TENM2: variants seen among roughly 807,000 people sequenced by gnomAD.
TENM2 encodes the protein teneurin-2.
In TENM2, 52 loss-of-function variants were observed where a neutral mutation model predicts 245.2. The ratio of observed to expected loss-of-function variants is 0.21; its 90% CI spans 0.17 to 0.27. TENM2 has a LOEUF of 0.27. TENM2 is among the 10% of genes least tolerant of loss of function. The probability of loss-of-function intolerance (pLI) is 1.00; values close to 1 mark genes in which losing one functional copy is unlikely to be tolerated. For synonymous variants in TENM2, 1,363 were observed against 1,438.9 expected, an observed-to-expected ratio of 0.95 and a Z score of 1.19; for missense variants, 3,046 against 3,666.8, an observed-to-expected ratio of 0.83 and a Z score of 4.37.
intron 2 of TENM2, among the ~76,000 whole-genome samples, chr5:167,837,048 GTATA>G (rs1463193805): frequency 1.4e-5 from 2 of 142,084 alleles, no homozygotes; most frequent in African/African-American, 5.2e-5. Context: ...TCCATTTATA[GTATA>G]TATGTATGCC....
At chr5:167,605,155 C>T (rs1306857004) in intron 2 of TENM2, among the ~76,000 whole-genome samples, 1 of 152,104 alleles carries the variant, frequency 6.6e-6, no homozygotes, top group Non-Finnish European at 1.5e-5. Context: ...CCACTTTCCC[C>T]ATGACTGCAG....
chr5:167,863,273 C>A (rs560340969), intron 2 of TENM2, among the ~76,000 whole-genome samples: 1 of 152,256 alleles, frequency 6.6e-6, no homozygotes, highest in South Asian at 2.1e-4. Flanking sequence ...TCTTCCATGG[C>A]AATATGGGCC....
exon 17 of TENM2, chr5:168,199,934 G>A: frequency 1.9e-6 from 3 of 1,613,800 alleles, no homozygotes; most frequent in South Asian, 1.1e-5. Flanking sequence ...AGAACTGCAG[G>A]GTACAAGTCA....
chr5:167,609,944 G>C (rs932522613), intron 2 of TENM2, among the ~76,000 whole-genome samples: 1 of 152,010 alleles, frequency 6.6e-6, no homozygotes. Flanking sequence ...CAGGTTAAGG[G>C]CTCAGTCCCA....
chr5:167,457,282 TTTTTATTTTATTTTATTTTA>T (rs71591185), intron 2 of TENM2, among the ~76,000 whole-genome samples: 7,298 of 129,944 alleles, frequency 0.056, 376 homozygotes, highest in African/African-American at 0.13. Flanking sequence ...ACTGACCTGC[TTTTTATTTTATTTTATTTTA>T]TTTTATTTTA....
intron 3 of TENM2, among the ~76,000 whole-genome samples, chr5:167,891,264 T>G (rs1774734309): frequency 6.6e-6 from 1 of 152,164 alleles, no homozygotes; most frequent in Non-Finnish European, 1.5e-5. Flanking sequence ...CTTTGCACAA[T>G]TACTCTCTTT....
intron 2 of TENM2, among the ~76,000 whole-genome samples, chr5:167,858,219 GAGCTAAGAGCCACAAC>G (rs1171088019): frequency 2.0e-5 from 3 of 152,232 alleles, no homozygotes; most frequent in Non-Finnish European, 4.4e-5. Context: ...AAGAAAATGT[GAGCTAAGAGCCACAAC>G]AGCCTTTGTT....
intron 2 of TENM2, among the ~76,000 whole-genome samples, chr5:167,528,607 T>C (rs1443775783): frequency 1.3e-5 from 2 of 152,164 alleles, no homozygotes; most frequent in African/African-American, 4.8e-5. Context: ...TTTTTGTCGG[T>C]CTAGCTATAT....
At chr5:167,117,642 A>G in the TENM2 span, among the ~76,000 whole-genome samples, 1 of 152,226 alleles carries the variant, frequency 6.6e-6, no homozygotes. Context: ...TCTTAGGATC[A>G]CAAAGATGAT....
chr5:168,169,524 C>T (rs1306026038), intron 13 of TENM2, among the ~76,000 whole-genome samples: 1 of 152,210 alleles, frequency 6.6e-6, no homozygotes, highest in Non-Finnish European at 1.5e-5. Context: ...ACTCACCCCT[C>T]GCCCACTGCC....
At chr5:167,471,180 C>T (rs1432117661) in intron 2 of TENM2, among the ~76,000 whole-genome samples, 1 of 152,194 alleles carries the variant, frequency 6.6e-6, no homozygotes. Flanking sequence ...CATGCCCTTG[C>T]TTCCCATCTC....
chr5:168,231,777 A>ACC (rs1562313009), intron 25 of TENM2, among the ~76,000 whole-genome samples: 24 of 151,264 alleles, frequency 1.6e-4, no homozygotes, highest in African/African-American at 5.6e-4. Context: ...CAACAACAAC[A>ACC]ACCAAAAAAA....
At chr5:168,141,339 G>C (rs1022996509) in intron 12 of TENM2, among the ~76,000 whole-genome samples, 3 of 152,160 alleles carry the variant, frequency 2.0e-5, no homozygotes, top group African/African-American at 2.4e-5. Context: ...CTGCATGCAG[G>C]CATGCCATAA....
chr5:167,724,105 T>C (rs891460360), intron 2 of TENM2, among the ~76,000 whole-genome samples: 14 of 152,338 alleles, frequency 9.2e-5, no homozygotes, highest in African/African-American at 2.6e-4. Context: ...TTTCTTTTGC[T>C]TTTGCCCATT....
rs145507834 is a variant in TENM2, at chr5:167,368,925, C to T, written c.227-6273C>T. ...ATATTTAACATTTAGCCTTCTCTGC[C>T]CCCAGCAAGGAGAGAGGGAGGGCTG... On this transcript the variant is annotated intron_variant, in intron 1 of 28. Transcript: ENST00000518659. 5.6e-3 allele frequency among the ~76,000 whole-genome samples: 859 copies of T among 152,178 alleles called. 10 individuals are homozygous for T. Among genetic ancestry groups the T allele is most frequent in the African/African-American group, 0.02 (814 of 41,496 alleles).
chr5:168,024,444 G>A (rs1238555827), intron 5 of TENM2, among the ~76,000 whole-genome samples: 1 of 152,174 alleles, frequency 6.6e-6, no homozygotes, highest in Non-Finnish European at 1.5e-5. Context: ...CCTTTGCTCA[G>A]CCTTTTAACT....
At chr5:168,143,557 C>T (rs1755750186) in intron 12 of TENM2, among the ~76,000 whole-genome samples, 1 of 152,078 alleles carries the variant, frequency 6.6e-6, no homozygotes. Flanking sequence ...AGTGCCTGGG[C>T]GCAGAACTTT....
intron 3 of TENM2, among the ~76,000 whole-genome samples, chr5:167,946,940 A>G (rs1409499850): frequency 2.0e-5 from 3 of 152,128 alleles, no homozygotes; most frequent in Non-Finnish European, 4.4e-5. Context: ...ATCAGCATCA[A>G]TTGTTTTGCT....
chr5:167,251,817 A>C, the TENM2 span, among the ~76,000 whole-genome samples: 1 of 152,146 alleles, frequency 6.6e-6, no homozygotes, highest in African/African-American at 2.4e-5. Flanking sequence ...TTTGGGCATA[A>C]TGTTGTTCTG....
Sources: gnomAD v4.1 joint callset for allele counts (sites outside exome capture counted in the v4.1 genomes callset) on GRCh38, gnomAD v4.1.1 for gene constraint, MANE v1.5 for transcripts, NCBI Gene and HGNC (gene_info 2026-07-23, HGNC 2026-07-21) for gene names.